The following DNAH6 variants were observed in gnomAD, a reference collection of about 807,000 sequenced individuals.
The protein encoded by DNAH6 is axonemal beta dynein heavy chain 6.
In DNAH6, 340 loss-of-function variants were observed where a neutral mutation model predicts 491.4. The ratio of observed to expected loss-of-function variants is 0.69; its 90% CI spans 0.63 to 0.76. The LOEUF (loss-of-function observed/expected upper bound fraction) is 0.76. DNAH6 is among the 30% of genes least tolerant of loss of function. DNAH6 has a pLI of 0.00. For missense variants in DNAH6, 4,443 were observed against 4,972.2 expected (o/e 0.89, Z 3.20); for synonymous variants, 1,603 against 1,686.1 (o/e 0.95, Z 1.21).
chr2:84,705,197 C>T (rs533958079), intron 51 of DNAH6, among the ~76,000 whole-genome samples: 2 of 152,250 alleles, frequency 1.3e-5, no homozygotes, highest in Admixed American at 6.5e-5. Flanking sequence ...GTGCCTGCGG[C>T]GTTTTAAAAA....
the DNAH6 span, among the ~76,000 whole-genome samples, chr2:84,462,468 C>T: frequency 6.6e-6 from 1 of 152,240 alleles, no homozygotes; most frequent in Non-Finnish European, 1.5e-5. Context: ...CTTCCTGAGT[C>T]ACGAGTGCAT....
At chr2:84,647,189 C>T (rs1689983044) in intron 33 of DNAH6, among the ~76,000 whole-genome samples, 1 of 152,152 alleles carries the variant, frequency 6.6e-6, no homozygotes, top group African/African-American at 2.4e-5. Context: ...GGTGAAGTAG[C>T]TAGCTTCAAA....
chr2:84,524,460 G>T (rs1248557717), intron 2 of DNAH6, among the ~76,000 whole-genome samples: 3 of 151,878 alleles, frequency 2.0e-5, no homozygotes, highest in Admixed American at 6.6e-5. Context: ...GATATGTGTG[G>T]ATTTAGTCCT....
chr2:84,670,084 G>A (rs1692577574), intron 38 of DNAH6, among the ~76,000 whole-genome samples: 1 of 152,196 alleles, frequency 6.6e-6, no homozygotes, highest in Non-Finnish European at 1.5e-5. Flanking sequence ...TTGAAGAGTA[G>A]CCAAGATGGA....
rs1261716517 is a variant in DNAH6 at position 84,653,362 on chromosome 2, C to T, written c.5122C>T (p.His1708Tyr). The T allele has an allele frequency of 3.2e-6, 5 of 1,545,568 alleles. No homozygotes were observed. Among genetic ancestry groups the T allele is most frequent in the South Asian group, 2.4e-5 (2 of 83,340 alleles). ...TTTTCCTGGAGTCCAAATTCCAGAA[C>T]ATGATTATGGTATTTTACAATCAAC... ...DLFPGVQIPE[H>Y]DYGILQSTIV... The change falls in exon 34 of 77, where the codon CAT (histidine) becomes TAT (tyrosine). Residue 1708 changes from histidine (H) to tyrosine (Y), a missense_variant. His to Tyr is a moderately conservative substitution (Grantham distance 83). Transcript: ENST00000389394.
In DNAH6 at chr2:84,549,990, G is replaced by A. The variant is rs148362906; in HGVS notation, c.1418G>A (p.Arg473Gln). ...LLNHLTDKLK[R>Q]TPSADVIQKW... ...AACCATCTCACTGACAAGCTAAAAC[G>A]AACACCTTCAGCAGATGTCATTCAG... The change falls in exon 9 of 77, where the codon CGA (arginine) becomes CAA (glutamine). Residue 473 changes from arginine (R) to glutamine (Q), a missense_variant. By Grantham distance (43) the Arg-to-Gln change is conservative (BLOSUM62 1). Around this residue, in one of 3 missense-constraint regions of DNAH6, gnomAD observed 2,977 missense variants for 3,296.6 expected, o/e 0.90. Transcript: ENST00000389394. 6.9e-4 allele frequency: 1,110 copies of A among 1,613,766 alleles called. No homozygotes were observed. The highest frequency in any genetic ancestry group is 8.9e-4 in the Non-Finnish European group (1,055 of 1,179,934).
intron 15 of DNAH6, among the ~76,000 whole-genome samples, chr2:84,586,994 T>C (rs1012641973): frequency 2.0e-5 from 3 of 152,158 alleles, no homozygotes; most frequent in Non-Finnish European, 2.9e-5. Flanking sequence ...CATGTGCAGG[T>C]TTGTTATATA....
chr2:84,793,159 C>T (rs977945877), intron 68 of DNAH6, among the ~76,000 whole-genome samples: 2 of 152,094 alleles, frequency 1.3e-5, no homozygotes, highest in African/African-American at 4.8e-5. Context: ...TGGGGCCAGA[C>T]CAGGCAGTGG....
At chr2:84,607,801 G>A (rs1373431684) in intron 21 of DNAH6, among the ~76,000 whole-genome samples, 2 of 152,134 alleles carry the variant, frequency 1.3e-5, no homozygotes, top group Non-Finnish European at 2.9e-5. Context: ...GGTGGCTGCT[G>A]AAGGTTGGGG....
At chr2:84,621,655 A>G (rs1483500740) in intron 26 of DNAH6, 104 bp downstream of exon 26, 1 of 617,930 alleles carries the variant, frequency 1.6e-6, no homozygotes, top group Non-Finnish European at 2.8e-6. Context: ...AGAAATTCTA[A>G]TGCTCTGACA....
intron 22 of DNAH6, among the ~76,000 whole-genome samples, chr2:84,615,982 A>G (rs754402299): frequency 2.1e-4 from 32 of 151,836 alleles, no homozygotes; most frequent in Non-Finnish European, 4.3e-4. Context: ...ATTTCTATGT[A>G]TTTGTATGGT....
In DNAH6 at chr2:84,740,842, C is replaced by T. The variant is rs555866270; in HGVS notation, c.10343-4238C>T. Among the ~76,000 whole-genome samples, 18 of 152,288 alleles carry T rather than the reference C, an allele frequency of 1.2e-4. No individual in the cohort carries two copies. The South Asian group carries it at 3.5e-3, about 30-fold the overall frequency. On this transcript the variant is annotated intron_variant, in intron 62 of 76. Transcript: ENST00000389394. ...ACTCCAGTCTTGTGATGGGAGAGAG[C>T]GTAATTCCACCACCTACTACTGGGG...
At chr2:84,513,024 A>G (rs971211273), upstream of DNAH6, among the ~76,000 whole-genome samples, 3 of 151,788 alleles carry the variant, frequency 2.0e-5, no homozygotes, top group Admixed American at 2.0e-4. Context: ...TGTTTTCTAT[A>G]TGTTATTTTT....
At chr2:84,781,131 A>C (rs1158548678) in intron 64 of DNAH6, among the ~76,000 whole-genome samples, 1 of 152,108 alleles carries the variant, frequency 6.6e-6, no homozygotes, top group East Asian at 1.9e-4. Flanking sequence ...ACTGATCTAT[A>C]GTGTTGTTAG....
At chr2:84,645,945 G>C (rs1689849846) in intron 33 of DNAH6, among the ~76,000 whole-genome samples, 1 of 152,076 alleles carries the variant, frequency 6.6e-6, no homozygotes, top group Admixed American at 6.5e-5. Flanking sequence ...TGAGGGCAGA[G>C]GTATCTACAG....
intron 21 of DNAH6, among the ~76,000 whole-genome samples, chr2:84,610,032 G>A (rs1274813614): frequency 1.3e-5 from 2 of 152,136 alleles, no homozygotes; most frequent in African/African-American, 4.8e-5. Flanking sequence ...TCACAAGGTT[G>A]CAATCAAGAT....
At chr2:84,542,089 A>G (rs546756469) in intron 4 of DNAH6, among the ~76,000 whole-genome samples, 78 of 152,308 alleles carry the variant, frequency 5.1e-4, no homozygotes, top group African/African-American at 1.7e-3. Context: ...GGAATTCCTA[A>G]GTGGCACTGA....
intron 49 of DNAH6, among the ~76,000 whole-genome samples, chr2:84,703,114 C>G (rs1345427005): frequency 2.0e-5 from 3 of 152,226 alleles, no homozygotes; most frequent in Non-Finnish European, 2.9e-5. Flanking sequence ...AAAAACAGTA[C>G]CATGTGGTCC....
intron 2 of DNAH6, among the ~76,000 whole-genome samples, chr2:84,520,365 T>G (rs1436461231): frequency 6.6e-6 from 1 of 152,148 alleles, no homozygotes; most frequent in Non-Finnish European, 1.5e-5. Flanking sequence ...TTGCCTGATC[T>G]GCATAGGTGA....
Sources: allele counts gnomAD v4.1 joint callset (sites outside exome capture counted in the v4.1 genomes callset), GRCh38; gene constraint gnomAD v4.1.1; regional missense constraint gnomAD v4.1.1; transcripts MANE v1.5; gene names NCBI Gene and HGNC (gene_info 2026-07-23, HGNC 2026-07-21).